The following EPM2A variants were observed in gnomAD, a reference collection of about 807,000 sequenced individuals.
EPM2A encodes the protein laforin.
In EPM2A, 21 loss-of-function variants were observed where a neutral mutation model predicts 26.5. The ratio of observed to expected loss-of-function variants is 0.79; its 90% CI spans 0.56 to 1.14. EPM2A has a LOEUF of 1.14. EPM2A is among the 50% of genes most tolerant of loss of function. The pLI, the probability that EPM2A is intolerant of heterozygous loss-of-function variation, is 0.00. For missense variants in EPM2A, 458 were observed against 440.8 expected, an observed-to-expected ratio of 1.04 and a Z score of -0.35; for synonymous variants, 217 against 177.6, an observed-to-expected ratio of 1.22 and a Z score of -1.76.
In EPM2A at chr6:145,635,317, T is replaced by G. The variant is rs1438663847; in HGVS notation, c.646A>C (p.Thr216Pro). ...NRYPEPMTPD[T>P]MIKLYREEGL... ...TCTTCCCTATATAGTTTAATCATAG[T>G]GTCTGGAGTCATGGGCTCTGGGTAG... Residue 216 changes from threonine (T) to proline (P), a missense_variant, in exon 3 of 4, where the codon ACT becomes CCT. Physicochemically the swap from Thr to Pro is conservative, Grantham distance 38. Coordinates refer to ENST00000367519, the MANE Select transcript of EPM2A (RefSeq NM_005670.4). 2 of 1,614,012 alleles carry G rather than the reference T, an allele frequency of 1.2e-6. No homozygotes were observed. The highest frequency in any genetic ancestry group is 1.7e-6 in the Non-Finnish European group (2 of 1,179,978).
At chr6:145,540,136 A>C (rs1210086346) in intron 2 of EPM2A, among the ~76,000 whole-genome samples, 1 of 152,070 alleles carries the variant, frequency 6.6e-6, no homozygotes, top group Non-Finnish European at 1.5e-5. Flanking sequence ...CCCCCATGGC[A>C]CCATGCCCCC....
intron 4 of EPM2A, among the ~76,000 whole-genome samples, chr6:145,469,847 G>T (rs1201549121): frequency 6.6e-6 from 1 of 152,134 alleles, no homozygotes; most frequent in South Asian, 2.1e-4. Flanking sequence ...CCATAAAGAA[G>T]AATGAGATTC....
intron 2 of EPM2A, among the ~76,000 whole-genome samples, chr6:145,567,958 C>G (rs116877958): frequency 0.019 from 2,843 of 152,274 alleles, 46 homozygotes; most frequent in Middle Eastern, 0.037. Context: ...TTTAGAGGGC[C>G]TTGTTGCATA....
chr6:145,516,668 A>G (rs1425480648), intron 2 of EPM2A, among the ~76,000 whole-genome samples: 1 of 152,178 alleles, frequency 6.6e-6, no homozygotes, highest in Non-Finnish European at 1.5e-5. Flanking sequence ...ATAGAGAAGT[A>G]TATGGCCAGA....
intron 2 of EPM2A, among the ~76,000 whole-genome samples, chr6:145,602,358 T>C (rs1781427386): frequency 6.6e-6 from 1 of 152,190 alleles, no homozygotes; most frequent in African/African-American, 2.4e-5. Flanking sequence ...AAGAGAAAAC[T>C]TTCCTTTTGA....
chr6:145,529,546 C>T (rs1780324785), intron 2 of EPM2A, among the ~76,000 whole-genome samples: 1 of 152,124 alleles, frequency 6.6e-6, no homozygotes, highest in Non-Finnish European at 1.5e-5. Flanking sequence ...AAGATATGTA[C>T]ATTTTAGACA....
At chr6:145,727,525 G>A (rs1056656465) in intron 1 of EPM2A, among the ~76,000 whole-genome samples, 4 of 151,656 alleles carry the variant, frequency 2.6e-5, no homozygotes, top group South Asian at 2.1e-4. Flanking sequence ...AAAAACCTCC[G>A]TTTCTGTTCT....
chr6:145,393,556 CT>C lies in EPM2A; in HGVS notation c.556-9460del, dbSNP rs541072962. Among the ~76,000 whole-genome samples, 7 of 152,198 alleles carry C rather than the reference CT, an allele frequency of 4.6e-5. No individual in the cohort carries two copies. The East Asian group carries it at 1.4e-3, about 29-fold the overall frequency. ...CTACGACGAAGGGAAGAGAATTTTT[CT>C]TTTCCTTGTGGTAAATTCAGCTGCG... On this transcript the variant is annotated intron_variant, in intron 4 of 4. Transcript: ENST00000638717.
chr6:145,488,534 A>T (rs933090423), intron 4 of EPM2A, among the ~76,000 whole-genome samples: 6 of 149,598 alleles, frequency 4.0e-5, no homozygotes, highest in African/African-American at 9.8e-5. Context: ...AGAGAGAGAG[A>T]GAGAGAGAGA....
chr6:145,509,956 C>T (rs970863463), intron 2 of EPM2A, among the ~76,000 whole-genome samples: 3 of 151,986 alleles, frequency 2.0e-5, no homozygotes, highest in Non-Finnish European at 4.4e-5. Context: ...ATAAAATATA[C>T]TTTAAACCAA....
chr6:145,619,609 G>A (rs2128553570), intron 2 of EPM2A, among the ~76,000 whole-genome samples: 1 of 152,248 alleles, frequency 6.6e-6, no homozygotes, highest in East Asian at 1.9e-4. Context: ...TGGAATCTAG[G>A]ATAGTTAAGA....
intron 4 of EPM2A, among the ~76,000 whole-genome samples, chr6:145,415,067 C>T (rs1453961682): frequency 5.3e-5 from 8 of 152,174 alleles, no homozygotes; most frequent in Admixed American, 4.6e-4. Context: ...GCTCTGACCA[C>T]GCTGTCACTT....
intron 2 of EPM2A, among the ~76,000 whole-genome samples, chr6:145,617,685 T>C (rs1470492471): frequency 6.6e-6 from 1 of 152,222 alleles, no homozygotes; most frequent in South Asian, 2.1e-4. Context: ...ATGCCTGTAA[T>C]GCCAACACTT....
chr6:145,514,430 G>C (rs1034922333), intron 2 of EPM2A, among the ~76,000 whole-genome samples: 3 of 152,042 alleles, frequency 2.0e-5, no homozygotes, highest in Admixed American at 6.6e-5. Flanking sequence ...TGAATTCTGA[G>C]GGTACTAGAT....
At chr6:145,573,647 C>A (rs745879920) in intron 2 of EPM2A, among the ~76,000 whole-genome samples, 6 of 152,174 alleles carry the variant, frequency 3.9e-5, no homozygotes, top group Non-Finnish European at 8.8e-5. Context: ...TTTTTCTAGG[C>A]AGAGGCAGGT....
chr6:145,651,105 T>TA (rs775872484), intron 2 of EPM2A, among the ~76,000 whole-genome samples: 34 of 152,274 alleles, frequency 2.2e-4, no homozygotes, highest in Non-Finnish European at 4.1e-4. Flanking sequence ...AATTGAAGAA[T>TA]AGACAAAAAT....
intron 2 of EPM2A, among the ~76,000 whole-genome samples, chr6:145,575,003 G>T (rs1781011222): frequency 6.6e-6 from 1 of 152,154 alleles, no homozygotes; most frequent in Non-Finnish European, 1.5e-5. Flanking sequence ...ATCACCTCTA[G>T]GGGCCTGCTG....
intron 2 of EPM2A, among the ~76,000 whole-genome samples, chr6:145,599,795 G>A (rs1781393092): frequency 6.6e-6 from 1 of 151,836 alleles, no homozygotes; most frequent in African/African-American, 2.4e-5. Context: ...TCTTTTTAAT[G>A]GATCACTTAA....
chr6:145,712,351 T>C (rs960524875), intron 1 of EPM2A, among the ~76,000 whole-genome samples: 12 of 152,160 alleles, frequency 7.9e-5, no homozygotes, highest in African/African-American at 2.4e-4. Context: ...TTCCATTCAA[T>C]GGGTGCCAAA....
Sources: gnomAD v4.1 joint callset for allele counts (sites outside exome capture counted in the v4.1 genomes callset) on GRCh38, gnomAD v4.1.1 for gene constraint, MANE v1.5 for transcripts, NCBI Gene and HGNC (gene_info 2026-07-23, HGNC 2026-07-21) for gene names.